Variants in GMDS observed in about 807,000 individuals in gnomAD.
GMDS encodes the protein GDP-mannose 4,6-dehydratase.
GMDS carries 20 observed loss-of-function variants against 49.9 expected under a neutral mutation model. The ratio of observed to expected loss-of-function variants is 0.40; its 90% CI spans 0.28 to 0.58. The LOEUF is 0.58. Among genes scored for constraint, GMDS ranks in the 20% least tolerant of loss-of-function variants. GMDS has a pLI of 0.42. For missense variants in GMDS, 362 were observed against 481.4 expected (o/e 0.75, Z 2.32); for synonymous variants, 177 against 178.6 (o/e 0.99, Z 0.07).
intron 1 of GMDS, among the ~76,000 whole-genome samples, chr6:2,179,374 A>G (rs1190327685): frequency 6.6e-6 from 1 of 152,214 alleles, no homozygotes; most frequent in Admixed American, 6.5e-5. Flanking sequence ...ATATTGCCCC[A>G]AATCATGTGT....
At chr6:1,950,543 C>G (rs564879087) in intron 6 of GMDS, among the ~76,000 whole-genome samples, 1 of 152,212 alleles carries the variant, frequency 6.6e-6, no homozygotes, top group South Asian at 2.1e-4. Context: ...CTGCAGCAGA[C>G]CATAATACTT....
intron 6 of GMDS, among the ~76,000 whole-genome samples, chr6:1,945,450 A>G (rs907799515): frequency 6.6e-6 from 1 of 152,174 alleles, no homozygotes; most frequent in South Asian, 2.1e-4. Flanking sequence ...ACTAGATGAG[A>G]TGTTTTTAAC....
chr6:1,831,601 A>C (rs1756643954), intron 7 of GMDS, among the ~76,000 whole-genome samples: 1 of 152,218 alleles, frequency 6.6e-6, no homozygotes, highest in East Asian at 1.9e-4. Flanking sequence ...GATAGAAGAA[A>C]GTTTTTTATT....
rs563859397 is a variant in GMDS at position 1,643,653 on chromosome 6, G to C, written c.988-19113C>G. On this transcript the variant is annotated intron_variant, in intron 9 of 10. Coordinates refer to ENST00000380815, the MANE Select transcript of GMDS (RefSeq NM_001500.4). Reference sequence around the variant, plus strand: ...AGAGGTGACCACCTGGGCCACGGTGGGGGGGACACTGGGGACTGCTAATGG... The same window carrying C: ...AGAGGTGACCACCTGGGCCACGGTGCGGGGGACACTGGGGACTGCTAATGG... Among the ~76,000 whole-genome samples the C allele has an allele frequency of 3.7e-4, 57 of 152,134 alleles. 1 individual carries two copies. Among genetic ancestry groups the C allele is most frequent in the African/African-American group, 1.2e-3 (51 of 41,488 alleles).
chr6:1,744,871 G>A (rs988171204), intron 7 of GMDS, among the ~76,000 whole-genome samples: 4 of 152,232 alleles, frequency 2.6e-5, no homozygotes, highest in African/African-American at 9.6e-5. Context: ...CACACAGTAT[G>A]GTGGCTTCAC....
chr6:2,064,996 G>T (rs1287142845), intron 4 of GMDS, among the ~76,000 whole-genome samples: 1 of 152,182 alleles, frequency 6.6e-6, no homozygotes, highest in Admixed American at 6.5e-5. Context: ...AAAGACAGCA[G>T]TAACCTCTGC....
intron 4 of GMDS, among the ~76,000 whole-genome samples, chr6:2,089,258 T>A (rs1013859316): frequency 2.6e-5 from 4 of 152,186 alleles, no homozygotes; most frequent in Non-Finnish European, 4.4e-5. Flanking sequence ...ACTGAAGGAT[T>A]GTGAGAAGAG....
chr6:1,980,830 AAC>A (rs1201142205), intron 4 of GMDS, among the ~76,000 whole-genome samples: 2 of 152,212 alleles, frequency 1.3e-5, no homozygotes, highest in East Asian at 1.9e-4. Flanking sequence ...CTGAAATCAT[AAC>A]AGTTTCTCAG....
intron 1 of GMDS, among the ~76,000 whole-genome samples, chr6:2,181,964 G>A (rs939201809): frequency 2.6e-5 from 4 of 152,236 alleles, no homozygotes; most frequent in African/African-American, 9.6e-5. Flanking sequence ...CCGGCTGAAA[G>A]GTAGCCTCTT....
intron 4 of GMDS, among the ~76,000 whole-genome samples, chr6:1,996,907 A>G (rs1581484585): frequency 6.6e-6 from 1 of 152,162 alleles, no homozygotes; most frequent in Non-Finnish European, 1.5e-5. Context: ...CATACTACCT[A>G]AACAGATTTC....
intron 7 of GMDS, among the ~76,000 whole-genome samples, chr6:1,784,969 A>G (rs1769259688): frequency 6.6e-6 from 1 of 152,246 alleles, no homozygotes; most frequent in Admixed American, 6.5e-5. Flanking sequence ...AGTTACTTAG[A>G]GAATTTTCAA....
rs545846517 is a variant in GMDS, at chr6:2,093,726, C to T, written c.345+22045G>A. 1.5e-4 allele frequency among the ~76,000 whole-genome samples: 22 copies of T among 151,152 alleles called. 2 individuals are homozygous for T. In the South Asian group the frequency reaches 4.2e-3, roughly 29 times the overall value. On this transcript the variant is annotated intron_variant, in intron 4 of 10. Coordinates refer to ENST00000380815, the MANE Select transcript of GMDS (RefSeq NM_001500.4). The stretch of plus-strand genomic sequence containing the variant: ...AAAAAGATACAAATTAAATGCATAT[C>T]ATGACTGTGTGTATGTCAGAAATAT...
Position 1,930,171 on chromosome 6 carries a change from G to T in GMDS, c.703C>A (p.Leu235Met), listed in dbSNP as rs1561899800. The T allele has an allele frequency of 6.2e-7, 1 of 1,612,404 alleles. No individual in the cohort carries two copies. The highest frequency in any genetic ancestry group is 8.5e-7 in the Non-Finnish European group (1 of 1,178,712). The change falls in exon 7 of 11, where the codon CTG (leucine) becomes ATG (methionine). Residue 235 changes from leucine (L) to methionine (M), a missense_variant. Transcript: ENST00000380815. ...RSVAKIYLGQLECFSLGNLDA... is the reference protein window; with the variant it reads ...RSVAKIYLGQMECFSLGNLDA... ...AGATTTCCCAAACTGAAACATTCCAGTTGTCCAAGGTAAATCTTAGCTACT... is the reference window on the plus strand; with the variant it reads ...AGATTTCCCAAACTGAAACATTCCATTTGTCCAAGGTAAATCTTAGCTACT...
intron 7 of GMDS, among the ~76,000 whole-genome samples, chr6:1,885,718 A>G (rs1022005568): frequency 2.0e-5 from 3 of 152,174 alleles, no homozygotes; most frequent in African/African-American, 7.2e-5. Context: ...TCTACTTGCT[A>G]TTCCCTACGG....
At chr6:1,800,267 C>A (rs1276006167) in intron 7 of GMDS, among the ~76,000 whole-genome samples, 1 of 152,176 alleles carries the variant, frequency 6.6e-6, no homozygotes, top group African/African-American at 2.4e-5. Flanking sequence ...GTTGTGAACC[C>A]TAGCAACTCC....
At chr6:2,169,625 AAAAAAAAAAAAC>A (rs1261940325) in intron 1 of GMDS, among the ~76,000 whole-genome samples, 1 of 151,576 alleles carries the variant, frequency 6.6e-6, no homozygotes, top group African/African-American at 2.4e-5. Context: ...AGGCAGCAAA[AAAAAAAAAAAAC>A]AAAAAAAAAG....
chr6:2,051,143 G>T (rs1770369982), intron 4 of GMDS, among the ~76,000 whole-genome samples: 1 of 152,154 alleles, frequency 6.6e-6, no homozygotes, highest in African/African-American at 2.4e-5. Flanking sequence ...TGATGCAGGG[G>T]CCATGAGCCG....
intron 1 of GMDS, among the ~76,000 whole-genome samples, chr6:2,226,805 T>C (rs910414343): frequency 3.3e-5 from 5 of 152,152 alleles, no homozygotes; most frequent in African/African-American, 1.2e-4. Flanking sequence ...GCTAAGCTGG[T>C]TAACTAACAA....
rs117155941 is a variant in GMDS at position 1,641,750 on chromosome 6, C to T, written c.988-17210G>A. Among the ~76,000 whole-genome samples the T allele has an allele frequency of 1.6e-4, 25 of 152,300 alleles. No individual in the cohort carries two copies. In the East Asian group the frequency reaches 4.4e-3, roughly 27 times the overall value. On this transcript the variant is annotated intron_variant, in intron 9 of 10. Coordinates refer to ENST00000380815, the MANE Select transcript of GMDS (RefSeq NM_001500.4). ...TCTCTCTCTTTTCTATCCCTCTTCT[C>T]TCTCCCTTTCCTTCTTCAGGATTTA...
Sources: gnomAD v4.1 joint callset for allele counts (sites outside exome capture counted in the v4.1 genomes callset) on GRCh38, gnomAD v4.1.1 for gene constraint, MANE v1.5 for transcripts, NCBI Gene and HGNC (gene_info 2026-07-23, HGNC 2026-07-21) for gene names.